Variants in RASGRP4 observed in about 807,000 individuals in gnomAD.
RASGRP4 encodes RAS guanyl-releasing protein 4.
Under a neutral mutation model 84.4 loss-of-function variants are expected in RASGRP4, and 52 were observed. The observed-to-expected ratio is 0.62, with a 90% CI of 0.49 to 0.78. The LOEUF is 0.78. Among genes scored for constraint, RASGRP4 ranks in the 30% least tolerant of loss-of-function variants. The pLI, the probability that RASGRP4 is intolerant of heterozygous loss-of-function variation, is 0.00. For synonymous variants in RASGRP4, 356 were observed against 359.1 expected, an observed-to-expected ratio of 0.99 and a Z score of 0.10; for missense variants, 760 against 886.9, an observed-to-expected ratio of 0.86 and a Z score of 1.82.
rs577528549 is a variant in RASGRP4, at chr19:38,413,728, T to C, written c.1231-254A>G. ...TGGCACACAGTCAATGATCAATAACTGTTAGTAGCCTTTTGCTTAGATTCT... is the reference window on the plus strand; with the variant it reads ...TGGCACACAGTCAATGATCAATAACCGTTAGTAGCCTTTTGCTTAGATTCT... On this transcript the variant is annotated intron_variant, in intron 9 of 16. Transcript: ENST00000615439. The surrounding 1 kb of genome is among the most constrained non-coding windows in gnomAD (Gnocchi z 4.7). Among the ~76,000 whole-genome samples the C allele has an allele frequency of 1.4e-3, 218 of 152,306 alleles. No homozygotes were observed. Among genetic ancestry groups the C allele is most frequent in the Middle Eastern group, 0.01 (3 of 294 alleles).
chr19:38,419,767 C>T (rs1041386568), intron 6 of RASGRP4, 93 bp downstream of exon 6: 22 of 1,201,410 alleles, frequency 1.8e-5, no homozygotes, highest in Non-Finnish European at 2.6e-5. Context: ...AATGACCATG[C>T]AGGTGTCCTC....
chr19:38,415,253 C>T (rs894918699), intron 8 of RASGRP4, 130 bp from the exon 9 acceptor site: 24 of 790,516 alleles, frequency 3.0e-5, no homozygotes, highest in Admixed American at 2.4e-4. Context: ...TTCCATATCC[C>T]ATGCCGGTCT....
At chr19:38,422,535 C>A (rs1971804483) in intron 1 of RASGRP4, among the ~76,000 whole-genome samples, 1 of 152,166 alleles carries the variant, frequency 6.6e-6, no homozygotes, top group Non-Finnish European at 1.5e-5. Flanking sequence ...TCAGCTGGGG[C>A]ATTAGACTCT....
At chr19:38,415,942 C>T (rs961994246) in intron 8 of RASGRP4, among the ~76,000 whole-genome samples, 2 of 151,074 alleles carry the variant, frequency 1.3e-5, no homozygotes, top group African/African-American at 4.9e-5. Flanking sequence ...GCCTGTAATC[C>T]CAGCTACTCG....
chr19:38,409,149 G>T lies in RASGRP4; in HGVS notation c.*891C>A, dbSNP rs531387005. The T allele has an allele frequency of 6.1e-6, 2 of 325,500 alleles. No individual in the cohort carries two copies. The highest frequency in any genetic ancestry group is 2.2e-5 in the African/African-American group (1 of 45,246). 20.2% of individuals were successfully genotyped at this position (325,500 alleles called of 1,614,324 possible). A position where few individuals can be genotyped will look rare whatever the true frequency, so the allele number is the denominator to read the frequency against. On this transcript the variant is annotated 3_prime_UTR_variant, in exon 17 of 17. Coordinates refer to ENST00000615439, the MANE Select transcript of RASGRP4 (RefSeq NM_170604.3). ...TTGGGGTTTGTGAAGGGGTTGGGGG[G>T]GTCTCTGCTCCCTGGGACTGAATGG...
intron 9 of RASGRP4, among the ~76,000 whole-genome samples, chr19:38,414,371 T>TGCAATGGC (rs55913558): frequency 4.0e-5 from 6 of 151,344 alleles, no homozygotes; most frequent in Admixed American, 6.6e-5. Context: ...CAGGCTGGGG[T>TGCAATGGC]GCAATGGCGC....
intron 13 of RASGRP4, chr19:38,411,637 T>C (rs1487783481): frequency 2.1e-6 from 1 of 486,046 alleles, no homozygotes; most frequent in Non-Finnish European, 3.7e-6. Context: ...GAGGCTGCAA[T>C]GAACCATGAT....
chr19:38,419,874 A>G lies in RASGRP4; in HGVS notation c.649T>C (p.Phe217Leu). The G allele has an allele frequency of 6.2e-7, 1 of 1,600,506 alleles. No individual in the cohort carries two copies. The highest frequency in any genetic ancestry group is 8.5e-7 in the Non-Finnish European group (1 of 1,173,492). The change falls in exon 6 of 17, where the codon TTC becomes CTC. Residue 217 changes from phenylalanine to leucine, a missense_variant. By Grantham distance (22) the Phe-to-Leu change is conservative. Transcript: ENST00000615439. ...QHLTYLEFRSFQAITPQDLRS... is the reference protein window; with the variant it reads ...QHLTYLEFRSLQAITPQDLRS... ...GGGGTCCTCACCGTGATAGCCTGGAAGGACCGGAACTCCAGGTAGGTGAGG... is the reference window on the plus strand; with the variant it reads ...GGGGTCCTCACCGTGATAGCCTGGAGGGACCGGAACTCCAGGTAGGTGAGG...
chr19:38,424,518 C>G (rs570490896), intron 1 of RASGRP4, among the ~76,000 whole-genome samples: 1 of 151,626 alleles, frequency 6.6e-6, no homozygotes, highest in South Asian at 2.1e-4. Context: ...CTCCTGGACT[C>G]GAGTGATCCT....
Position 38,418,539 on chromosome 19 carries a change from A to C in RASGRP4, c.689T>G (p.Leu230Trp), listed in dbSNP as rs1402577528. Reference sequence around the variant, plus strand: ...CGGGCAGCCTCGTACTGAGCCCTGCAAAACGTAGCTCCGCAGGTCCTGGGG... The same window carrying C: ...CGGGCAGCCTCGTACTGAGCCCTGCCAAACGTAGCTCCGCAGGTCCTGGGG... ...ITPQDLRSYV[L>W]QGSVRGCPAL... The change falls in exon 7 of 17, where the codon TTG becomes TGG. Residue 230 changes from leucine to tryptophan, a missense_variant. Coordinates refer to ENST00000615439, the MANE Select transcript of RASGRP4 (RefSeq NM_170604.3). This position sits in a 1 kb window ranked among gnomAD's most constrained non-coding sequence, Gnocchi z 4.6. 1 of 1,540,798 alleles carries C rather than the reference A, an allele frequency of 6.5e-7. No homozygotes were observed. The highest frequency in any genetic ancestry group is 8.8e-7 in the Non-Finnish European group (1 of 1,141,930).
In RASGRP4 at chr19:38,413,229, C is replaced by T. The variant is rs1568408444; in HGVS notation, c.1380G>A (p.Arg460=). The T allele has an allele frequency of 3.7e-6, 6 of 1,613,786 alleles. No homozygotes were observed. The highest frequency in any genetic ancestry group is 5.1e-6 in the Non-Finnish European group (6 of 1,179,866). The change falls in exon 11 of 17, where the codon AGG becomes AGA. Residue 460 remains arginine, a synonymous_variant. Coordinates refer to ENST00000615439, the MANE Select transcript of RASGRP4 (RefSeq NM_170604.3). The surrounding 1 kb of genome is among the most constrained non-coding windows in gnomAD (Gnocchi z 4.7). ...WAPGVTPKPD[R]VTLGRHVEQL... ...GCTCCACATGCCGACCCAGTGTGAC[C>T]CTGTCCGGCTTGGGTGTCACACCAG...
rs1971290796 is a variant in RASGRP4 at position 38,412,181 on chromosome 19, C to T, written c.1680+491G>A. Among the ~76,000 whole-genome samples, 1 of 152,014 alleles carries T rather than the reference C, an allele frequency of 6.6e-6. No homozygotes were observed. The highest frequency in any genetic ancestry group is 2.4e-5 in the African/African-American group (1 of 41,390). On this transcript the variant is annotated intron_variant, in intron 13 of 16. Coordinates refer to ENST00000615439, the MANE Select transcript of RASGRP4 (RefSeq NM_170604.3). This position sits in a 1 kb window ranked among gnomAD's most constrained non-coding sequence, Gnocchi z 4.6. ...TCACCCAAGCTGGAGTGCAGTGCTG[C>T]GATCTTGGCTCATGCAACCTCCACC...
chr19:38,417,207 G>A lies in RASGRP4; in HGVS notation c.838-39C>T, dbSNP rs1971534991. 7.4e-7 allele frequency: 1 copy of A among 1,348,874 alleles called. No individual in the cohort carries two copies. The highest frequency in any genetic ancestry group is 1.0e-6 in the Non-Finnish European group (1 of 962,126). 83.6% of individuals were successfully genotyped at this position (1,348,874 alleles called of 1,614,324 possible). A position where few individuals can be genotyped will look rare whatever the true frequency, so the allele number is the denominator to read the frequency against. ...CATGCACACAGGGCCGTCACGGGAG[G>A]GAGGGCAAGTCAGGAGTTCAGATGA... On this transcript the variant is annotated intron_variant, in intron 7 of 16. Coordinates refer to ENST00000615439, the MANE Select transcript of RASGRP4 (RefSeq NM_170604.3). This position sits in a 1 kb window ranked among gnomAD's most constrained non-coding sequence, Gnocchi z 5.1.
rs376854073 is a variant in RASGRP4, at chr19:38,422,115, C to T, written c.62G>A (p.Arg21Gln). Residue 21 changes from arginine to glutamine, a missense_variant, in exon 2 of 17, where the codon CGA becomes CAA. Arg to Gln is a conservative substitution (Grantham distance 43). Coordinates refer to ENST00000615439, the MANE Select transcript of RASGRP4 (RefSeq NM_170604.3). ...GCGGCGCACTTGGCGGGGCCGGCCTCGCCCTCCTATTTTTCCGGTGCATTC... is the reference window on the plus strand; with the variant it reads ...GCGGCGCACTTGGCGGGGCCGGCCTTGCCCTCCTATTTTTCCGGTGCATTC... ...HQECTGKIGGRGRPRQVRRHK... is the reference protein window; with the variant it reads ...HQECTGKIGGQGRPRQVRRHK... 52 of 1,612,646 alleles carry T rather than the reference C, an allele frequency of 3.2e-5. No homozygotes were observed. In the Admixed American group the frequency reaches 8.0e-4, roughly 25 times the overall value.
At chr19:38,410,847 C>T in intron 16 of RASGRP4, 39 bp downstream of exon 16, 1 of 1,430,290 alleles carries the variant, frequency 7.0e-7, no homozygotes. Context: ...GGCCTGTGTC[C>T]CCTGTATCCA....
chr19:38,420,024 A>C lies in RASGRP4; in HGVS notation c.510-11T>G. On this transcript the variant is annotated splice_polypyrimidine_tract_variant and intron_variant, in intron 5 of 16. Coordinates refer to ENST00000615439, the MANE Select transcript of RASGRP4 (RefSeq NM_170604.3). ...CCACCAGGGCTCAGGCTGGGGGCCA[A>C]GAGGGGCAGGGTATTGGAGTGGCTC... 6.2e-7 allele frequency: 1 copy of C among 1,613,284 alleles called. No individual in the cohort carries two copies. The highest frequency in any genetic ancestry group is 1.1e-5 in the South Asian group (1 of 91,070).
rs1971372583 is a variant in RASGRP4, at chr19:38,413,590, C to T, written c.1231-116G>A. On this transcript the variant is annotated intron_variant, in intron 9 of 16. Coordinates refer to ENST00000615439, the MANE Select transcript of RASGRP4 (RefSeq NM_170604.3). This position sits in a 1 kb window ranked among gnomAD's most constrained non-coding sequence, Gnocchi z 4.7. ...CTGGGTTCAAATCCTGGCATTACTG[C>T]TGTGGGACAGTGGGCAAGGGACCTC... 5 of 851,158 alleles carry T rather than the reference C, an allele frequency of 5.9e-6. No individual in the cohort carries two copies. Among genetic ancestry groups the T allele is most frequent in the Middle Eastern group, 2.4e-4 (1 of 4,140 alleles). The allele number at this position is 851,158 out of a possible 1,614,324, so 52.7% of individuals were successfully genotyped here. A position where few individuals can be genotyped will look rare whatever the true frequency, so the allele number is the denominator to read the frequency against.
In RASGRP4 at chr19:38,413,380, G is replaced by T; in HGVS notation, c.1311+14C>A. On this transcript the variant is annotated intron_variant, in intron 10 of 16. Transcript: ENST00000615439. This position sits in a 1 kb window ranked among gnomAD's most constrained non-coding sequence, Gnocchi z 4.7. ...GGTAATTGGGGGAGTCCGAGGCCAGGGGTTGGGTCTCACCAGGCTCTTGGG... is the reference window on the plus strand; with the variant it reads ...GGTAATTGGGGGAGTCCGAGGCCAGTGGTTGGGTCTCACCAGGCTCTTGGG... The T allele has an allele frequency of 6.2e-7, 1 of 1,609,160 alleles. No individual in the cohort carries two copies. Among genetic ancestry groups the T allele is most frequent in the African/African-American group, 1.3e-5 (1 of 74,924 alleles).
At chr19:38,410,775 G>C in intron 16 of RASGRP4, 111 bp downstream of exon 16, 2 of 746,814 alleles carry the variant, frequency 2.7e-6, no homozygotes, top group South Asian at 3.3e-5. Flanking sequence ...AGCAGTCAAG[G>C]ACTTCTGCAT....
Sources: gnomAD v4.1 joint callset for allele counts (sites outside exome capture counted in the v4.1 genomes callset) on GRCh38, gnomAD v4.1.1 for gene constraint, Gnocchi (gnomAD v3.1) non-coding constraint, MANE v1.5 for transcripts, NCBI Gene and HGNC (gene_info 2026-07-23, HGNC 2026-07-21) for gene names.